ADAMTS18: variants seen among roughly 807,000 people sequenced by gnomAD.
ADAMTS18 encodes the protein A disintegrin and metalloproteinase with thrombospondin motifs 18.
A neutral mutation model predicts 165.9 loss-of-function variants in ADAMTS18; 157 were observed. The observed-to-expected ratio is 0.95, with a 90% CI of 0.83 to 1.08. ADAMTS18 has a LOEUF of 1.08. Among genes scored for constraint, ADAMTS18 ranks in the 50% least tolerant of loss-of-function variants. The pLI, the probability that ADAMTS18 is intolerant of heterozygous loss-of-function variation, is 0.00. For missense variants in ADAMTS18, 2,040 were observed against 1,534.0 expected (o/e 1.33, Z -5.51); for synonymous variants, 782 against 578.2 (o/e 1.35, Z -5.06).
chr16:77,412,209 C>T (rs2057473733), intron 3 of ADAMTS18, among the ~76,000 whole-genome samples: 1 of 152,194 alleles, frequency 6.6e-6, no homozygotes, highest in Admixed American at 6.5e-5. Context: ...GCATCTTCTG[C>T]TGCCTTCTAA....
Position 77,293,191 on chromosome 16 carries a change from G to A in ADAMTS18, c.3074C>T (p.Thr1025Ile), listed in dbSNP as rs1287566107. 3 of 1,613,786 alleles carry A rather than the reference G, an allele frequency of 1.9e-6. No homozygotes were observed. Among genetic ancestry groups the A allele is most frequent in the East Asian group, 2.2e-5 (1 of 44,862 alleles). Residue 1025 changes from threonine (T) to isoleucine (I), a missense_variant, in exon 20 of 23, where the codon ACC (threonine) becomes ATC (isoleucine). Transcript: ENST00000282849. ...ELLCKGSAAE[T>I]LPESQCTSLP... ...ACTGGTACACTGGCTCTCGGGGAGG[G>A]TTTCTGCGGCAGAGCCCTTGCAGAG... is the stretch of plus-strand genomic sequence containing the variant.
chr16:77,406,229 A>G (rs1326510141), intron 3 of ADAMTS18, among the ~76,000 whole-genome samples: 1 of 152,130 alleles, frequency 6.6e-6, no homozygotes, highest in African/African-American at 2.4e-5. Flanking sequence ...AAACCAATCC[A>G]TTTACTGAGG....
intron 16 of ADAMTS18, among the ~76,000 whole-genome samples, chr16:77,311,946 T>C (rs2055789427): frequency 6.6e-6 from 1 of 152,172 alleles, no homozygotes; most frequent in Non-Finnish European, 1.5e-5. Flanking sequence ...GAAACGACAA[T>C]TTTGTATTAC....
intron 16 of ADAMTS18, among the ~76,000 whole-genome samples, chr16:77,310,056 G>C (rs2055751949): frequency 6.6e-6 from 1 of 152,218 alleles, no homozygotes; most frequent in Non-Finnish European, 1.5e-5. Context: ...GTGTGTTACA[G>C]AAGCCTCAGG....
intron 3 of ADAMTS18, among the ~76,000 whole-genome samples, chr16:77,374,162 C>T (rs7191534): frequency 0.3 from 45,590 of 150,264 alleles, 7,943 homozygotes; most frequent in East Asian, 0.57. Flanking sequence ...CAGTTTGCAG[C>T]GCACTGAGAT....
Position 77,363,838 on chromosome 16 carries a change from C to G in ADAMTS18, c.1020G>C (p.Val340=). ...CCAGAAGAATTAGGCTCACCACAAC[C>G]ACGTTTATGTCACTTCCAATAGTCC... is the stretch of plus-strand genomic sequence containing the variant. ...KDGTIGSDIN[V]VVVSLILLEQ... is the part of the protein sequence containing the mutation. The change falls in exon 6 of 23, where the codon GTG becomes GTC. Residue 340 remains valine (V), a synonymous_variant. Coordinates refer to ENST00000282849, the MANE Select transcript of ADAMTS18 (RefSeq NM_199355.4). 6.2e-7 allele frequency: 1 copy of G among 1,613,988 alleles called. No individual in the cohort carries two copies.
intron 16 of ADAMTS18, among the ~76,000 whole-genome samples, chr16:77,310,808 A>C (rs901145089): frequency 1.3e-5 from 2 of 151,900 alleles, no homozygotes; most frequent in African/African-American, 4.8e-5. Flanking sequence ...TTGTATTCTC[A>C]TGGAGACGGG....
At chr16:77,375,597 A>AG (rs965583321) in intron 3 of ADAMTS18, among the ~76,000 whole-genome samples, 4 of 152,166 alleles carry the variant, frequency 2.6e-5, no homozygotes, top group Non-Finnish European at 5.9e-5. Flanking sequence ...AAGGAGCGGA[A>AG]GGGGTGGTGA....
chr16:77,316,890 C>T (rs563028079), intron 16 of ADAMTS18, among the ~76,000 whole-genome samples: 1 of 152,108 alleles, frequency 6.6e-6, no homozygotes, highest in African/African-American at 2.4e-5. Flanking sequence ...TGGTCTCATA[C>T]TCCTGGTCTC....
chr16:77,391,835 A>G (rs1263926993), intron 3 of ADAMTS18, among the ~76,000 whole-genome samples: 4 of 152,190 alleles, frequency 2.6e-5, no homozygotes, highest in African/African-American at 9.7e-5. Context: ...AGTGATACAG[A>G]TATTTCACTT....
chr16:77,419,951 T>C (rs957894150), intron 3 of ADAMTS18, among the ~76,000 whole-genome samples: 2 of 133,602 alleles, frequency 1.5e-5, no homozygotes, highest in Non-Finnish European at 3.1e-5. Flanking sequence ...GTAAACCGCA[T>C]CACGCCACTG....
At chr16:77,331,825 A>G (rs1262409743) in intron 12 of ADAMTS18, among the ~76,000 whole-genome samples, 1 of 152,202 alleles carries the variant, frequency 6.6e-6, no homozygotes, top group Non-Finnish European at 1.5e-5. Flanking sequence ...AGCCTGCGAT[A>G]TTCGAAGCAG....
chr16:77,371,503 C>T (rs1459009097), intron 3 of ADAMTS18, among the ~76,000 whole-genome samples: 3 of 152,024 alleles, frequency 2.0e-5, no homozygotes, highest in African/African-American at 4.8e-5. Flanking sequence ...TAATTTTTAA[C>T]AAAGGCACTA....
In ADAMTS18 at chr16:77,324,883, T is replaced by C. The variant is rs149766647; in HGVS notation, c.2032+983A>G. On this transcript the variant is annotated intron_variant, in intron 13 of 22. Transcript: ENST00000282849. ...TTCCTCCTAAGACACAGCTTTGGAA[T>C]TGTCATGTCTGTCTCTATCTATACT... 4.2e-4 allele frequency among the ~76,000 whole-genome samples: 63 copies of C among 151,350 alleles called. No individual in the cohort carries two copies. In the East Asian group the frequency reaches 0.011, roughly 27 times the overall value.
intron 7 of ADAMTS18, among the ~76,000 whole-genome samples, chr16:77,360,754 C>A (rs192939432): frequency 1.2e-3 from 179 of 152,238 alleles, no homozygotes; most frequent in African/African-American, 4.3e-3. Flanking sequence ...ATTTATAGGA[C>A]ATAACAGAGA....
intron 3 of ADAMTS18, among the ~76,000 whole-genome samples, chr16:77,377,140 G>A (rs1337983177): frequency 3.9e-5 from 6 of 152,114 alleles, no homozygotes; most frequent in Admixed American, 6.5e-5. Flanking sequence ...ATTCTTAAAG[G>A]ACTCATGCCA....
intron 3 of ADAMTS18, among the ~76,000 whole-genome samples, chr16:77,385,725 GATGATTGA>G (rs2057097619): frequency 6.6e-6 from 1 of 152,184 alleles, no homozygotes; most frequent in African/African-American, 2.4e-5. Context: ...AGTGGAGCTG[GATGATTGA>G]CAGGACTTCC....
intron 16 of ADAMTS18, among the ~76,000 whole-genome samples, chr16:77,314,203 G>A (rs1417514167): frequency 6.6e-6 from 1 of 152,132 alleles, no homozygotes; most frequent in East Asian, 1.9e-4. Flanking sequence ...TTAACTCAAC[G>A]ATCAAGGCTG....
chr16:77,430,979 C>A (rs2057731920), intron 3 of ADAMTS18, among the ~76,000 whole-genome samples: 1 of 152,318 alleles, frequency 6.6e-6, no homozygotes, highest in Admixed American at 6.5e-5. Flanking sequence ...TATAGAATGC[C>A]TGGTCTCCCG....
Sources: gnomAD v4.1 joint callset for allele counts (sites outside exome capture counted in the v4.1 genomes callset) on GRCh38, gnomAD v4.1.1 for gene constraint, MANE v1.5 for transcripts, NCBI Gene and HGNC (gene_info 2026-07-23, HGNC 2026-07-21) for gene names.